Variants in CNST observed in about 807,000 individuals in gnomAD.
The protein encoded by CNST is consortin.
Under a neutral mutation model 72.4 loss-of-function variants are expected in CNST, and 39 were observed. The observed-to-expected ratio is 0.54, with a 90% CI of 0.42 to 0.70. CNST has a LOEUF of 0.70. Ranked by LOEUF, CNST falls within the 30% of genes least tolerant of loss-of-function variation. The probability of loss-of-function intolerance (pLI) is 0.00; values close to 1 mark genes in which losing one functional copy is unlikely to be tolerated. For synonymous variants in CNST, 332 were observed against 320.1 expected (o/e 1.04, Z -0.40); for missense variants, 871 against 868.5 (o/e 1.00, Z -0.04).
intron 4 of CNST, among the ~76,000 whole-genome samples, chr1:246,633,571 T>C (rs760492791): frequency 6.6e-6 from 1 of 151,332 alleles, no homozygotes; most frequent in Non-Finnish European, 1.5e-5. Flanking sequence ...TGAAACCCCG[T>C]CTCTACTAAA....
chr1:246,655,404 C>T (rs1666721638), intron 9 of CNST, among the ~76,000 whole-genome samples: 1 of 152,176 alleles, frequency 6.6e-6, no homozygotes. Context: ...ACAGCTGGTA[C>T]TCCCTGGCCC....
intron 10 of CNST, among the ~76,000 whole-genome samples, chr1:246,661,506 T>C (rs1667102575): frequency 6.6e-6 from 1 of 152,224 alleles, no homozygotes; most frequent in East Asian, 1.9e-4. Context: ...TCTTCATTGA[T>C]AGAAAAGAGT....
At chr1:246,612,955 G>A (rs1229311584) in intron 2 of CNST, among the ~76,000 whole-genome samples, 1 of 152,128 alleles carries the variant, frequency 6.6e-6, no homozygotes, top group Non-Finnish European at 1.5e-5. Context: ...GAAATTTGCT[G>A]AGTTTTAAAA....
At chr1:246,662,787 T>C (rs1322874536) in intron 10 of CNST, among the ~76,000 whole-genome samples, 3 of 151,784 alleles carry the variant, frequency 2.0e-5, no homozygotes, top group East Asian at 1.9e-4. Context: ...TTTTACATCC[T>C]TTTTTTCACA....
chr1:246,591,488 G>C, intron 1 of CNST, 24 bp from the exon 2 acceptor site: 1 of 1,521,860 alleles, frequency 6.6e-7, no homozygotes. Context: ...AAATGAAGTA[G>C]CTTTTTTCTT....
chr1:246,578,092 A>G (rs896502728), intron 1 of CNST, among the ~76,000 whole-genome samples: 6 of 152,056 alleles, frequency 3.9e-5, no homozygotes, highest in Non-Finnish European at 8.8e-5. Context: ...AATTGAACAA[A>G]CATTAATTAA....
intron 2 of CNST, among the ~76,000 whole-genome samples, chr1:246,594,102 T>A (rs1018351538): frequency 6.6e-6 from 1 of 152,184 alleles, no homozygotes; most frequent in African/African-American, 2.4e-5. Flanking sequence ...TATGAGTCAG[T>A]CATAGCTTTA....
intron 1 of CNST, chr1:246,569,996 G>T (rs920521940): frequency 1.5e-5 from 12 of 778,202 alleles, no homozygotes; most frequent in African/African-American, 7.5e-5. Context: ...TTCAGGTAAG[G>T]CTAAGAGTTT....
chr1:246,625,578 C>T lies in CNST; in HGVS notation c.585+3944C>T, dbSNP rs190678870. On this transcript the variant is annotated intron_variant, in intron 3 of 10. Coordinates refer to ENST00000366513, the MANE Select transcript of CNST (RefSeq NM_152609.3). ...CTGGGACTACAGGCCCGTGCCACCA[C>T]GCCCAGCTAATTTTTGTATTTTTAG... Among the ~76,000 whole-genome samples the T allele has an allele frequency of 2.7e-3, 413 of 151,720 alleles. 3 individuals are homozygous for T. The highest frequency in any genetic ancestry group is 9.6e-3 in the African/African-American group (396 of 41,388).
At chr1:246,624,723 T>C (rs1664308272) in intron 3 of CNST, among the ~76,000 whole-genome samples, 1 of 152,230 alleles carries the variant, frequency 6.6e-6, no homozygotes, top group Admixed American at 6.5e-5. Context: ...CATCACATGG[T>C]ATATTTCACC....
At chr1:246,664,649 A>G (rs1218588844) in intron 10 of CNST, among the ~76,000 whole-genome samples, 1 of 151,562 alleles carries the variant, frequency 6.6e-6, no homozygotes, top group Non-Finnish European at 1.5e-5. Flanking sequence ...GATGGTCTCG[A>G]TCTCCTGACC....
intron 2 of CNST, among the ~76,000 whole-genome samples, chr1:246,612,747 A>AG (rs1396607810): frequency 1.3e-5 from 2 of 152,082 alleles, no homozygotes; most frequent in Non-Finnish European, 1.5e-5. Flanking sequence ...AAAATTAGCC[A>AG]GGGGGTGTGC....
At chr1:246,635,454 G>A (rs2103105898) in intron 6 of CNST, among the ~76,000 whole-genome samples, 1 of 151,998 alleles carries the variant, frequency 6.6e-6, no homozygotes, top group South Asian at 2.1e-4. Context: ...AAGGTTTGTT[G>A]GGTCCCATCC....
intron 8 of CNST, among the ~76,000 whole-genome samples, chr1:246,644,232 C>G (rs1558584529): frequency 6.6e-6 from 1 of 151,776 alleles, no homozygotes; most frequent in Admixed American, 6.6e-5. Context: ...ACTAAAAATA[C>G]AAAAAAATTA....
In CNST at chr1:246,667,162, T is replaced by G. The variant is rs961593683; in HGVS notation, c.*1257T>G. On this transcript the variant is annotated 3_prime_UTR_variant, in exon 11 of 11. Coordinates refer to ENST00000366513, the MANE Select transcript of CNST (RefSeq NM_152609.3). ...ACAAAGAAAAACCAAACATGAATTA[T>G]AGTTTTTAACAAGTGATCTTTATTT... 6.6e-6 allele frequency: 1 copy of G among 152,070 alleles called. No homozygotes were observed. The highest frequency in any genetic ancestry group is 6.6e-5 in the Admixed American group (1 of 15,266). The allele number at this position is 152,070 out of a possible 1,614,324, so 9.4% of individuals were successfully genotyped here. A position where few individuals can be genotyped will look rare whatever the true frequency, so the allele number is the denominator to read the frequency against.
At chr1:246,640,737 A>T (rs902227528) in intron 6 of CNST, among the ~76,000 whole-genome samples, 1 of 152,204 alleles carries the variant, frequency 6.6e-6, no homozygotes, top group Admixed American at 6.5e-5. Flanking sequence ...TAAAGAACTC[A>T]CTAACAAATA....
intron 3 of CNST, 109 bp downstream of exon 3, chr1:246,621,743 C>T: frequency 1.0e-6 from 1 of 967,868 alleles, no homozygotes; most frequent in Non-Finnish European, 1.6e-6. Context: ...GCCTGTAATC[C>T]CAGCATTTTG....
intron 1 of CNST, among the ~76,000 whole-genome samples, chr1:246,578,612 A>C (rs1417689136): frequency 6.6e-6 from 1 of 152,122 alleles, no homozygotes; most frequent in Non-Finnish European, 1.5e-5. Context: ...CGGAGGTTGC[A>C]GTGAGCCAAT....
intron 2 of CNST, among the ~76,000 whole-genome samples, chr1:246,610,510 G>C (rs1663243407): frequency 6.6e-6 from 1 of 152,092 alleles, no homozygotes; most frequent in African/African-American, 2.4e-5. Context: ...GGGCCACACT[G>C]TACTGTTTTT....
Sources: allele counts gnomAD v4.1 joint callset (sites outside exome capture counted in the v4.1 genomes callset), GRCh38; gene constraint gnomAD v4.1.1; transcripts MANE v1.5; gene names NCBI Gene and HGNC (gene_info 2026-07-23, HGNC 2026-07-21).